Variants in SATB1 observed in about 807,000 individuals in gnomAD.
SATB1 encodes SATB homeobox 1.
In SATB1, 11 loss-of-function variants were observed where a neutral mutation model predicts 86.9. The ratio of observed to expected loss-of-function variants is 0.13; its 90% CI spans 0.08 to 0.21. SATB1 has a LOEUF of 0.21. Among genes scored for constraint, SATB1 ranks in the 10% least tolerant of loss-of-function variants. SATB1 has a pLI of 1.00. For synonymous variants in SATB1, 357 were observed against 357.2 expected, an observed-to-expected ratio of 1.00 and a Z score of 0.01; for missense variants, 551 against 937.6, an observed-to-expected ratio of 0.59 and a Z score of 5.39.
At chr3:18,414,278 G>A (rs1698009516) in intron 5 of SATB1, among the ~76,000 whole-genome samples, 1 of 151,978 alleles carries the variant, frequency 6.6e-6, no homozygotes, top group South Asian at 2.1e-4. Context: ...CACAAAAGCA[G>A]CCCTTTAAGA....
chr3:18,371,665 T>C (rs1483463309), intron 9 of SATB1, among the ~76,000 whole-genome samples: 1 of 152,244 alleles, frequency 6.6e-6, no homozygotes, highest in Non-Finnish European at 1.5e-5. Context: ...TCCTTTAGTA[T>C]AAATGCATTT....
intron 5 of SATB1, among the ~76,000 whole-genome samples, chr3:18,406,451 G>A (rs184557189): frequency 8.5e-5 from 13 of 152,112 alleles, no homozygotes; most frequent in African/African-American, 3.1e-4. Flanking sequence ...TAGTGAAGAA[G>A]TGTGGGTCTC....
intron 5 of SATB1, chr3:18,409,017 T>C (rs1697695750): frequency 6.6e-6 from 1 of 152,134 alleles, no homozygotes; most frequent in East Asian, 1.9e-4. Context: ...TCTCATGATA[T>C]GGTAATTTTC....
At chr3:18,351,269 CCT>C (rs773324030) in intron 10 of SATB1, 6 of 1,483,072 alleles carry the variant, frequency 4.0e-6, no homozygotes, top group South Asian at 2.4e-5. Flanking sequence ...TAGGTCACCC[CCT>C]CTCTGTGTCC....
chr3:18,356,794 A>T (rs1049165878), intron 9 of SATB1, among the ~76,000 whole-genome samples: 2 of 151,894 alleles, frequency 1.3e-5, no homozygotes, highest in African/African-American at 4.8e-5. Flanking sequence ...TGAGTCAAGA[A>T]AGTAACCTCC....
intron 9 of SATB1, among the ~76,000 whole-genome samples, chr3:18,358,074 A>T (rs565618600): frequency 1.3e-5 from 2 of 152,124 alleles, no homozygotes; most frequent in East Asian, 3.9e-4. Flanking sequence ...TTCATCATCT[A>T]GACCATTTTT....
chr3:18,395,134 T>A (rs1258184500), intron 6 of SATB1, among the ~76,000 whole-genome samples: 2 of 152,224 alleles, frequency 1.3e-5, no homozygotes, highest in African/African-American at 4.8e-5. Context: ...ATTCCTAATC[T>A]TATTTTTAAA....
chr3:18,420,677 C>A (rs752092263), intron 2 of SATB1, 80 bp downstream of exon 2: 80 of 1,112,782 alleles, frequency 7.2e-5, no homozygotes, highest in Non-Finnish European at 9.7e-5. Flanking sequence ...ACATGTTCTG[C>A]CACTCCACCC....
At chr3:18,353,423 C>A (rs1445099662) in intron 9 of SATB1, among the ~76,000 whole-genome samples, 1 of 152,250 alleles carries the variant, frequency 6.6e-6, no homozygotes, top group East Asian at 1.9e-4. Flanking sequence ...GGGCCCTTAC[C>A]AAATCATGAT....
intron 5 of SATB1, 70 bp downstream of exon 5, chr3:18,415,041 G>A (rs1698042448): frequency 6.4e-7 from 1 of 1,567,162 alleles, no homozygotes; most frequent in African/African-American, 1.4e-5. Flanking sequence ...TTAAACCAGG[G>A]AGCTCCATCA....
chr3:18,416,851 TAAAC>T, intron 3 of SATB1, 47 bp downstream of exon 3: 1 of 1,488,196 alleles, frequency 6.7e-7, no homozygotes, highest in Non-Finnish European at 9.1e-7. Flanking sequence ...CTCTGCAAGG[TAAAC>T]AAAGAATGCT....
chr3:18,412,015 A>T (rs1465054633), intron 5 of SATB1, among the ~76,000 whole-genome samples: 3 of 151,864 alleles, frequency 2.0e-5, no homozygotes, highest in Non-Finnish European at 4.4e-5. Context: ...TTCTGTCACC[A>T]AACTAGAGTG....
chr3:18,405,508 A>G (rs763890765), intron 5 of SATB1, among the ~76,000 whole-genome samples: 1 of 152,044 alleles, frequency 6.6e-6, no homozygotes, highest in Non-Finnish European at 1.5e-5. Context: ...TATTAGAATT[A>G]GGTTCTGTAA....
At chr3:18,403,704 A>G (rs1485445261) in intron 5 of SATB1, among the ~76,000 whole-genome samples, 1 of 152,074 alleles carries the variant, frequency 6.6e-6, no homozygotes, top group Non-Finnish European at 1.5e-5. Flanking sequence ...ATAAAGCCCT[A>G]CAGTTAATTT....
At chr3:18,405,141 ATATAT>A (rs1457689429) in intron 5 of SATB1, among the ~76,000 whole-genome samples, 4 of 152,034 alleles carry the variant, frequency 2.6e-5, no homozygotes, top group African/African-American at 9.7e-5. Context: ...TTATTAACTT[ATATAT>A]TATGTTATAT....
intron 7 of SATB1, among the ~76,000 whole-genome samples, chr3:18,393,328 G>GT (rs969950011): frequency 2.2e-5 from 3 of 137,624 alleles, no homozygotes; most frequent in Non-Finnish European, 4.9e-5. Context: ...GTTTTTGTTT[G>GT]TTTTTTGGTT....
chr3:18,369,393 G>T (rs1695346960), intron 9 of SATB1, among the ~76,000 whole-genome samples: 1 of 151,884 alleles, frequency 6.6e-6, no homozygotes, highest in African/African-American at 2.4e-5. Flanking sequence ...TTGAATTTTG[G>T]TAAAAGTATA....
intron 9 of SATB1, among the ~76,000 whole-genome samples, chr3:18,373,448 C>A (rs554762649): frequency 1.9e-4 from 29 of 152,310 alleles, no homozygotes; most frequent in African/African-American, 6.7e-4. Flanking sequence ...TGCTAGCATA[C>A]AGAATGCAAT....
rs531598426 is a variant in SATB1, at chr3:18,351,566, G to A, written c.1779+426C>T. On this transcript the variant is annotated intron_variant, in intron 10 of 10. Transcript: ENST00000338745. ...CTCCTCTTTCTGGACAGAATCCAAT[G>A]TATAAAATTGTGATTCTACAAACTT... The A allele has an allele frequency of 3.7e-5, 22 of 601,690 alleles. No homozygotes were observed. The African/African-American group carries it at 3.7e-4, about 10-fold the overall frequency. 37.3% of individuals were successfully genotyped at this position (601,690 alleles called of 1,614,324 possible).
Sources: gnomAD v4.1 joint callset for allele counts (sites outside exome capture counted in the v4.1 genomes callset) on GRCh38, gnomAD v4.1.1 for gene constraint, MANE v1.5 for transcripts, NCBI Gene and HGNC (gene_info 2026-07-23, HGNC 2026-07-21) for gene names.